Variants in PRTG observed in about 807,000 individuals in gnomAD.
PRTG encodes the protein immunoglobulin superfamily, DCC subclass, member 5.
Under a neutral mutation model 122.5 loss-of-function variants are expected in PRTG, and 67 were observed. The ratio of observed to expected loss-of-function variants is 0.55; its 90% confidence interval spans 0.45 to 0.67. The LOEUF (loss-of-function observed/expected upper bound fraction) is 0.67, where lower values mean the gene tolerates loss of function less well. Among genes scored for constraint, PRTG ranks in the 30% least tolerant of loss-of-function variants. The pLI is 0.00. For synonymous variants in PRTG, 554 were observed against 501.1 expected, an observed-to-expected ratio of 1.11 and a Z score of -1.41; for missense variants, 1,435 against 1,415.4, an observed-to-expected ratio of 1.01 and a Z score of -0.22.
At chr15:55,656,174 T>C (rs1336786963) in intron 11 of PRTG, 1 of 285,290 alleles carries the variant, frequency 3.5e-6, no homozygotes, top group Admixed American at 4.9e-5. Flanking sequence ...TGTCCAATAA[T>C]GTTCTTTATA....
intron 15 of PRTG, among the ~76,000 whole-genome samples, chr15:55,629,853 C>G (rs1250312016): frequency 6.8e-5 from 10 of 146,618 alleles, no homozygotes; most frequent in East Asian, 2.0e-4. Flanking sequence ...GAGTCTTGCT[C>G]TGTCGCCAGG....
intron 2 of PRTG, among the ~76,000 whole-genome samples, chr15:55,711,848 G>T (rs1455377778): frequency 3.3e-5 from 5 of 152,110 alleles, no homozygotes; most frequent in African/African-American, 1.2e-4. Flanking sequence ...GTTATGCAGT[G>T]GTAGCTAACT....
rs181367995 is a variant in PRTG, at chr15:55,616,348, T to G, written c.*3664A>C. On this transcript the variant is annotated 3_prime_UTR_variant, in exon 20 of 20. Transcript: ENST00000389286. ...CATGATTTGTTTGCCTCTTACATCC[T>G]TAGAGATGAAAAGCATCCCTATTAT... is the stretch of plus-strand genomic sequence containing the variant. 2.6e-5 allele frequency: 4 copies of G among 152,254 alleles called. No individual in the cohort carries two copies. The highest frequency in any genetic ancestry group is 2.0e-4 in the Admixed American group (3 of 15,278). The allele number at this position is 152,254 out of a possible 1,614,324, so 9.4% of individuals were successfully genotyped here.
intron 2 of PRTG, among the ~76,000 whole-genome samples, chr15:55,725,678 T>C (rs2031004735): frequency 6.6e-6 from 1 of 151,918 alleles, no homozygotes; most frequent in African/African-American, 2.4e-5. Flanking sequence ...TTACAATAAA[T>C]GCAAGTGGAT....
chr15:55,728,720 G>A (rs1389009372), intron 2 of PRTG, among the ~76,000 whole-genome samples: 1 of 151,820 alleles, frequency 6.6e-6, no homozygotes, highest in Non-Finnish European at 1.5e-5. Context: ...TCACCACTGT[G>A]ATTTAACATT....
chr15:55,735,594 A>G (rs1350834211), intron 2 of PRTG, among the ~76,000 whole-genome samples: 2 of 152,066 alleles, frequency 1.3e-5, no homozygotes, highest in Non-Finnish European at 2.9e-5. Flanking sequence ...AAAAGGAGCC[A>G]TACCAAATAC....
At chr15:55,657,722 A>T (rs189669853) in intron 11 of PRTG, among the ~76,000 whole-genome samples, 1 of 152,316 alleles carries the variant, frequency 6.6e-6, no homozygotes, top group Non-Finnish European at 1.5e-5. Flanking sequence ...CTTATAGGCC[A>T]TTTCTAGCAA....
intron 18 of PRTG, among the ~76,000 whole-genome samples, chr15:55,623,450 C>T (rs2059177575): frequency 6.6e-6 from 1 of 152,088 alleles, no homozygotes; most frequent in African/African-American, 2.4e-5. Context: ...GCCTGTAATC[C>T]CGGCTACTCG....
At chr15:55,697,506 C>A (rs1000561406) in intron 2 of PRTG, among the ~76,000 whole-genome samples, 3 of 151,848 alleles carry the variant, frequency 2.0e-5, no homozygotes, top group Admixed American at 6.5e-5. Flanking sequence ...AAGCAAATTT[C>A]TTTTTCTGTT....
At chr15:55,724,028 T>C (rs1438522863) in intron 2 of PRTG, among the ~76,000 whole-genome samples, 2 of 152,148 alleles carry the variant, frequency 1.3e-5, no homozygotes, top group Non-Finnish European at 2.9e-5. Flanking sequence ...TAGGATTACA[T>C]ACGTGAGCCA....
At chr15:55,656,623 T>C (rs944632769) in intron 11 of PRTG, among the ~76,000 whole-genome samples, 1 of 152,162 alleles carries the variant, frequency 6.6e-6, no homozygotes, top group African/African-American at 2.4e-5. Context: ...TTCTCTTGCC[T>C]CAGCCTCCCA....
At chr15:55,657,382 C>T (rs1438412134) in intron 11 of PRTG, among the ~76,000 whole-genome samples, 1 of 152,064 alleles carries the variant, frequency 6.6e-6, no homozygotes, top group East Asian at 1.9e-4. Flanking sequence ...TCATACTTGG[C>T]CATTCAGATG....
At chr15:55,731,304 G>T (rs6493810) in intron 2 of PRTG, among the ~76,000 whole-genome samples, 134,496 of 151,044 alleles carry the variant, frequency 0.89, 61,331 homozygotes, top group Non-Finnish European at 0.98. Flanking sequence ...ATCAGGGGAC[G>T]CCAGAGGACT....
At chr15:55,702,052 T>C (rs2029912891) in intron 2 of PRTG, among the ~76,000 whole-genome samples, 1 of 152,196 alleles carries the variant, frequency 6.6e-6, no homozygotes, top group Non-Finnish European at 1.5e-5. Context: ...TTCATAGAAC[T>C]ATAGATTTGA....
At chr15:55,656,233 T>A (rs1213617806) in intron 11 of PRTG, 2 of 397,606 alleles carry the variant, frequency 5.0e-6, no homozygotes, top group Non-Finnish European at 4.9e-6. Flanking sequence ...ACATCGTGTC[T>A]CCATCTAGAA....
intron 11 of PRTG, among the ~76,000 whole-genome samples, chr15:55,671,647 T>G (rs1310545997): frequency 6.6e-6 from 1 of 152,136 alleles, no homozygotes; most frequent in Non-Finnish European, 1.5e-5. Context: ...TACAGGAGCG[T>G]GCCACCAGGC....
At chr15:55,645,420 C>T (rs1220693549) in intron 11 of PRTG, among the ~76,000 whole-genome samples, 7 of 27,914 alleles carry the variant, frequency 2.5e-4, no homozygotes, top group East Asian at 3.3e-3. Flanking sequence ...GGCGACAGAG[C>T]GAAACTCCGT....
At chr15:55,665,510 T>G (rs988003482) in intron 11 of PRTG, among the ~76,000 whole-genome samples, 23 of 150,338 alleles carry the variant, frequency 1.5e-4, no homozygotes, top group East Asian at 1.2e-3. Context: ...TTTTTTTGTT[T>G]TTTTTTTTTT....
chr15:55,641,143 C>A lies in PRTG; in HGVS notation c.2107G>T (p.Asp703Tyr). Residue 703 changes from aspartate (D) to tyrosine (Y), a missense_variant, in exon 12 of 20, where the codon GAT becomes TAT. Coordinates refer to ENST00000389286, the MANE Select transcript of PRTG (RefSeq NM_173814.6). The part of the protein sequence containing the change: ...YNNIDDGYQA[D>Y]QTVSTPGCVS... Reference sequence around the variant, plus strand: ...CATCCTGGAGTGCTGACAGTCTGATCTGCCTGATAGCCATCGTCTATGTTG... The same window carrying A: ...CATCCTGGAGTGCTGACAGTCTGATATGCCTGATAGCCATCGTCTATGTTG... The A allele has an allele frequency of 6.2e-7, 1 of 1,613,972 alleles. No individual in the cohort carries two copies. The highest frequency in any genetic ancestry group is 8.5e-7 in the Non-Finnish European group (1 of 1,179,860).
Sources: allele counts gnomAD v4.1 joint callset (sites outside exome capture counted in the v4.1 genomes callset), GRCh38; gene constraint gnomAD v4.1.1; transcripts MANE v1.5; gene names NCBI Gene and HGNC (gene_info 2026-07-23, HGNC 2026-07-21).